Variants in CACNG3 observed in about 807,000 individuals in gnomAD.
The protein encoded by CACNG3 is voltage-dependent calcium channel gamma-3 subunit.
A neutral mutation model predicts 28.5 loss-of-function variants in CACNG3; 3 were observed. The observed-to-expected ratio is 0.11, with a 90% CI of 0.05 to 0.27. The LOEUF (loss-of-function observed/expected upper bound fraction) is 0.27. CACNG3 is among the 10% of genes least tolerant of loss of function. The probability of loss-of-function intolerance (pLI) is 1.00; values close to 1 mark genes in which losing one functional copy is unlikely to be tolerated. For missense variants in CACNG3, 236 were observed against 414.4 expected (o/e 0.57, Z 3.74); for synonymous variants, 174 against 162.2 (o/e 1.07, Z -0.55).
intron 1 of CACNG3, among the ~76,000 whole-genome samples, chr16:24,337,567 A>G (rs1405778216): frequency 6.6e-6 from 1 of 152,112 alleles, no homozygotes; most frequent in African/African-American, 2.4e-5. Context: ...CTGTAATCCC[A>G]GCTCTTAGGG....
chr16:24,264,711 T>C (rs1243867139), intron 1 of CACNG3, among the ~76,000 whole-genome samples: 1 of 152,200 alleles, frequency 6.6e-6, no homozygotes, highest in African/African-American at 2.4e-5. Context: ...GGAGCAGGGA[T>C]AGTGATTTGA....
At chr16:24,338,556 G>C (rs1038391856) in intron 1 of CACNG3, among the ~76,000 whole-genome samples, 1 of 152,064 alleles carries the variant, frequency 6.6e-6, no homozygotes, top group Non-Finnish European at 1.5e-5. Flanking sequence ...TGTTGGTCAG[G>C]ATGGTCTCGA....
chr16:24,343,633 T>G (rs1899819240), intron 1 of CACNG3, among the ~76,000 whole-genome samples: 1 of 152,166 alleles, frequency 6.6e-6, no homozygotes, highest in African/African-American at 2.4e-5. Context: ...AAGAACTTAG[T>G]TCACAATACA....
chr16:24,359,065 C>T (rs559617902), intron 3 of CACNG3, among the ~76,000 whole-genome samples: 3 of 152,106 alleles, frequency 2.0e-5, no homozygotes, highest in South Asian at 2.1e-4. Flanking sequence ...CCCCACTCCC[C>T]GCCACCCACC....
At chr16:24,324,088 A>G (rs1211566763) in intron 1 of CACNG3, among the ~76,000 whole-genome samples, 1 of 152,140 alleles carries the variant, frequency 6.6e-6, no homozygotes, top group East Asian at 1.9e-4. Context: ...GATTTCTTAT[A>G]TACATTTTTT....
intron 1 of CACNG3, among the ~76,000 whole-genome samples, chr16:24,278,398 A>G (rs554876131): frequency 1.3e-5 from 2 of 152,314 alleles, no homozygotes; most frequent in South Asian, 4.1e-4. Context: ...CAGGTGGATT[A>G]CAAGGTCAAG....
chr16:24,321,693 T>C (rs1032055067), intron 1 of CACNG3, among the ~76,000 whole-genome samples: 2 of 152,130 alleles, frequency 1.3e-5, no homozygotes, highest in African/African-American at 2.4e-5. Context: ...TCTATTGAGG[T>C]TGCTAAGATC....
intron 1 of CACNG3, among the ~76,000 whole-genome samples, chr16:24,340,470 A>T (rs1273833151): frequency 6.6e-6 from 1 of 152,210 alleles, no homozygotes; most frequent in Non-Finnish European, 1.5e-5. Context: ...AATTACCTTG[A>T]TTTGATCATT....
chr16:24,257,417 G>GAGAGAGAGAA, intron 1 of CACNG3, among the ~76,000 whole-genome samples: 1 of 132,120 alleles, frequency 7.6e-6, no homozygotes, highest in South Asian at 2.4e-4. Flanking sequence ...GAGAGAGAGA[G>GAGAGAGAGAA]AGAGAGAGAG....
intron 1 of CACNG3, among the ~76,000 whole-genome samples, chr16:24,258,792 C>G (rs1191952549): frequency 2.0e-5 from 3 of 152,186 alleles, no homozygotes; most frequent in Non-Finnish European, 4.4e-5. Flanking sequence ...CATATGTATA[C>G]AGTGCTTTAG....
chr16:24,335,232 C>T (rs1193362656), intron 1 of CACNG3, among the ~76,000 whole-genome samples: 1 of 152,100 alleles, frequency 6.6e-6, no homozygotes, highest in Non-Finnish European at 1.5e-5. Flanking sequence ...CCAGCCTGGC[C>T]AACATGGTGA....
chr16:24,287,407 A>G (rs1055130025), intron 1 of CACNG3, among the ~76,000 whole-genome samples: 10 of 151,882 alleles, frequency 6.6e-5, no homozygotes, highest in African/African-American at 2.2e-4. Context: ...AGTCACAGCT[A>G]ATCAGGAGGC....
At chr16:24,298,320 C>T (rs1000166341) in intron 1 of CACNG3, among the ~76,000 whole-genome samples, 1 of 151,998 alleles carries the variant, frequency 6.6e-6, no homozygotes, top group African/African-American at 2.4e-5. Flanking sequence ...GATAATATTT[C>T]ATGGTATAAT....
In CACNG3 at chr16:24,361,144, T is replaced by A. The variant is rs1596655385; in HGVS notation, c.437-208T>A. On this transcript the variant is annotated intron_variant, in intron 3 of 3. Coordinates refer to ENST00000005284, the MANE Select transcript of CACNG3 (RefSeq NM_006539.4). This position sits in a 1 kb window ranked among gnomAD's most constrained non-coding sequence, Gnocchi z 6.8. ...GAGTAGGGTGTATTCTTCAGCTGAA[T>A]ACACATTGCCTGGAACTGAGCAGCA... Among the ~76,000 whole-genome samples, 1 of 152,296 alleles carries A rather than the reference T, an allele frequency of 6.6e-6. No individual in the cohort carries two copies. The highest frequency in any genetic ancestry group is 1.5e-5 in the Non-Finnish European group (1 of 68,040).
chr16:24,351,954 T>C (rs1899954360), intron 2 of CACNG3, among the ~76,000 whole-genome samples: 1 of 149,964 alleles, frequency 6.7e-6, no homozygotes, highest in Non-Finnish European at 1.5e-5. Context: ...TAGCTGGGAC[T>C]ACAGGCGCCC....
chr16:24,348,891 T>G (rs943376181), intron 2 of CACNG3, among the ~76,000 whole-genome samples: 1 of 152,248 alleles, frequency 6.6e-6, no homozygotes, highest in Non-Finnish European at 1.5e-5. Context: ...TAGCTGATTT[T>G]AAGTTCTTCA....
intron 1 of CACNG3, among the ~76,000 whole-genome samples, chr16:24,258,944 C>A (rs372600147): frequency 6.6e-6 from 1 of 152,156 alleles, no homozygotes; most frequent in Non-Finnish European, 1.5e-5. Context: ...TAAACACTTG[C>A]TAAGAATTTC....
At chr16:24,296,568 G>A (rs567968864) in intron 1 of CACNG3, among the ~76,000 whole-genome samples, 1 of 152,170 alleles carries the variant, frequency 6.6e-6, no homozygotes, top group Admixed American at 6.5e-5. Flanking sequence ...CATCCTGCAG[G>A]TATTTCAGGA....
intron 1 of CACNG3, among the ~76,000 whole-genome samples, chr16:24,274,200 A>C (rs79924825): frequency 0.16 from 21,054 of 131,726 alleles, 1,093 homozygotes; most frequent in East Asian, 0.31. Context: ...AAAAAAAAAA[A>C]CAAAAAAAAA....
Sources: gnomAD v4.1 joint callset for allele counts (sites outside exome capture counted in the v4.1 genomes callset) on GRCh38, gnomAD v4.1.1 for gene constraint, Gnocchi (gnomAD v3.1) non-coding constraint, MANE v1.5 for transcripts, NCBI Gene and HGNC (gene_info 2026-07-23, HGNC 2026-07-21) for gene names.